GAP43: variants seen among roughly 807,000 people sequenced by gnomAD.
GAP43 encodes growth associated protein 43, also known as neuromodulin.
A neutral mutation model predicts 18.6 loss-of-function variants in GAP43; 6 were observed. The observed-to-expected ratio is 0.32, with a 90% confidence interval of 0.18 to 0.64. GAP43 has a LOEUF of 0.64. Ranked by LOEUF, GAP43 falls within the 30% of genes least tolerant of loss-of-function variation. The pLI is 0.78. For missense variants in GAP43, 292 were observed against 295.5 expected, an observed-to-expected ratio of 0.99 and a Z score of 0.09; for synonymous variants, 115 against 111.4, an observed-to-expected ratio of 1.03 and a Z score of -0.20.
intron 2 of GAP43, among the ~76,000 whole-genome samples, chr3:115,684,238 C>G (rs896122699): frequency 2.0e-5 from 3 of 151,602 alleles, no homozygotes; most frequent in African/African-American, 7.3e-5. Context: ...TTTTGTTTTT[C>G]CAGTATGAGT....
intron 2 of GAP43, among the ~76,000 whole-genome samples, chr3:115,689,432 T>C (rs1378818764): frequency 1.3e-5 from 2 of 152,186 alleles, no homozygotes; most frequent in Non-Finnish European, 2.9e-5. Flanking sequence ...AGATTTCTTT[T>C]CATAAACAGC....
At chr3:115,663,233 T>C (rs533611063) in intron 1 of GAP43, among the ~76,000 whole-genome samples, 6 of 152,150 alleles carry the variant, frequency 3.9e-5, no homozygotes, top group Non-Finnish European at 7.4e-5. Flanking sequence ...CTCACTACAA[T>C]TGTGAAAAAA....
chr3:115,719,707 G>GT (rs1423385440), intron 2 of GAP43, among the ~76,000 whole-genome samples: 3 of 152,160 alleles, frequency 2.0e-5, no homozygotes, highest in Non-Finnish European at 4.4e-5. Context: ...TTTGCTTTGT[G>GT]TTTTTTCGCT....
intron 2 of GAP43, among the ~76,000 whole-genome samples, chr3:115,715,850 T>C (rs1053926536): frequency 2.6e-5 from 4 of 152,202 alleles, no homozygotes; most frequent in African/African-American, 7.2e-5. Flanking sequence ...CCCATTCTTT[T>C]TGGGCAAAGG....
chr3:115,642,143 C>T (rs1338309272), intron 1 of GAP43, among the ~76,000 whole-genome samples: 1 of 152,024 alleles, frequency 6.6e-6, no homozygotes, highest in Non-Finnish European at 1.5e-5. Flanking sequence ...GTATATATGC[C>T]TAAATTTTCT....
intron 1 of GAP43, among the ~76,000 whole-genome samples, chr3:115,668,920 G>C (rs1388755543): frequency 6.6e-6 from 1 of 152,054 alleles, no homozygotes; most frequent in Non-Finnish European, 1.5e-5. Flanking sequence ...GCACATAGCT[G>C]TAGCCCCAGC....
chr3:115,633,036 C>A lies in GAP43; in HGVS notation c.30+9317C>A, dbSNP rs558510114. Among the ~76,000 whole-genome samples the A allele has an allele frequency of 2.0e-5, 3 of 151,692 alleles. No homozygotes were observed. The East Asian group carries it at 5.8e-4, about 29-fold the overall frequency. On this transcript the variant is annotated intron_variant, in intron 1 of 2. Transcript: ENST00000305124. ...TTTATTGGAAAAAGAAAAAAAGCAG[C>A]GATCATATGAAATTAGTAAGTTGAA...
At chr3:115,632,652 C>T (rs1033542103) in intron 1 of GAP43, among the ~76,000 whole-genome samples, 1 of 152,066 alleles carries the variant, frequency 6.6e-6, no homozygotes, top group Admixed American at 6.6e-5. Flanking sequence ...AGTATAATAA[C>T]TGGATCAAGT....
chr3:115,623,621 AG>A lies in GAP43; in HGVS notation c.-62del, dbSNP rs965627927. Reference sequence around the variant, plus strand: ...GCAAGCGAGCAGAAAAGAGGTGGAGAGGGGGGGAATAAGAAAGAGAGAGAAG... The same window carrying A: ...GCAAGCGAGCAGAAAAGAGGTGGAGAGGGGGGAATAAGAAAGAGAGAGAAG... On this transcript the variant is annotated 5_prime_UTR_variant, in exon 1 of 3. Transcript: ENST00000305124. 135 of 1,586,144 alleles carry A rather than the reference AG, an allele frequency of 8.5e-5. 1 individual carries two copies. Among genetic ancestry groups the A allele is most frequent in the South Asian group, 2.1e-4 (19 of 90,390 alleles).
intron 2 of GAP43, among the ~76,000 whole-genome samples, chr3:115,696,583 C>G (rs904193578): frequency 8.0e-6 from 1 of 125,092 alleles, no homozygotes; most frequent in Non-Finnish European, 1.7e-5. Flanking sequence ...CCACCGCCCC[C>G]CCCCCCCACA....
intron 2 of GAP43, among the ~76,000 whole-genome samples, chr3:115,710,967 T>G (rs1709429486): frequency 6.6e-6 from 1 of 152,210 alleles, no homozygotes; most frequent in African/African-American, 2.4e-5. Context: ...GGGTTTTGAA[T>G]GTCATCTGCC....
At chr3:115,682,365 T>A (rs1177386505) in intron 2 of GAP43, among the ~76,000 whole-genome samples, 1 of 152,202 alleles carries the variant, frequency 6.6e-6, no homozygotes, top group Non-Finnish European at 1.5e-5. Context: ...CAGATGAAAG[T>A]CATTTTATTT....
chr3:115,676,393 A>G lies in GAP43; in HGVS notation c.411A>G (p.Ser137=), dbSNP rs113502150. 66 of 1,614,004 alleles carry G rather than the reference A, an allele frequency of 4.1e-5. 3 individuals are homozygous for G. The African/African-American group carries it at 5.3e-4, about 13-fold the overall frequency. The change falls in exon 2 of 3, where the codon TCA becomes TCG. Residue 137 remains serine (S), a synonymous_variant. Coordinates refer to ENST00000305124, the MANE Select transcript of GAP43 (RefSeq NM_002045.4). ...APASSEEKAG[S]AETESATKAS... is the part of the protein sequence containing the mutation. ...CATCCTCAGAGGAGAAGGCCGGCTC[A>G]GCTGAGACAGAAAGTGCCACTAAAG...
chr3:115,693,643 A>G (rs896621635), intron 2 of GAP43, among the ~76,000 whole-genome samples: 2 of 151,986 alleles, frequency 1.3e-5, no homozygotes, highest in Non-Finnish European at 2.9e-5. Flanking sequence ...TGCTCAGCTG[A>G]TTTTTCTGCT....
chr3:115,687,951 C>A (rs1709054977), intron 2 of GAP43, among the ~76,000 whole-genome samples: 1 of 151,880 alleles, frequency 6.6e-6, no homozygotes, highest in South Asian at 2.1e-4. Flanking sequence ...GTAGTATAAA[C>A]CATAAAAAAA....
At chr3:115,713,960 C>T (rs901101609) in intron 2 of GAP43, among the ~76,000 whole-genome samples, 2 of 152,166 alleles carry the variant, frequency 1.3e-5, no homozygotes, top group East Asian at 1.9e-4. Flanking sequence ...GGACGAATTA[C>T]GCTCCTTAGG....
intron 2 of GAP43, among the ~76,000 whole-genome samples, chr3:115,698,082 AAATATGTAT>A (rs1273342432): frequency 4.7e-5 from 3 of 63,798 alleles, no homozygotes; most frequent in African/African-American, 1.5e-4. Context: ...ATAATATATA[AAATATGTAT>A]TATATATAAT....
intron 2 of GAP43, among the ~76,000 whole-genome samples, chr3:115,679,508 G>A (rs898554840): frequency 7.2e-5 from 11 of 152,102 alleles, no homozygotes; most frequent in East Asian, 1.9e-4. Flanking sequence ...ACATTTCAGC[G>A]CACCTCTGAC....
At position 115,679,462 on chromosome 3, in the gene GAP43, G is replaced by T. The variant is rs756260775; in HGVS notation, c.628+2852G>T. On this transcript the variant is annotated intron_variant, in intron 2 of 2. Transcript: ENST00000305124. ...TGTCCACCTCTCCCTAGTTTGCCACGCTGCCTGCCCAGCTTTTTACGTGCC... is the reference window on the plus strand; with the variant it reads ...TGTCCACCTCTCCCTAGTTTGCCACTCTGCCTGCCCAGCTTTTTACGTGCC... Among the ~76,000 whole-genome samples, 193 of 152,050 alleles carry T rather than the reference G, an allele frequency of 1.3e-3. 2 individuals are homozygous for T. The highest frequency in any genetic ancestry group is 0.013 in the Admixed American group (192 of 15,270).
Sources: allele counts gnomAD v4.1 joint callset (sites outside exome capture counted in the v4.1 genomes callset), GRCh38; gene constraint gnomAD v4.1.1; transcripts MANE v1.5; gene names NCBI Gene and HGNC (gene_info 2026-07-23, HGNC 2026-07-21).